SLC4A5: variants seen among roughly 807,000 people sequenced by gnomAD.
SLC4A5 encodes electrogenic sodium bicarbonate cotransporter 4.
In SLC4A5, 96 loss-of-function variants were observed where a neutral mutation model predicts 120.4. That is an observed-to-expected ratio of 0.80 (90% confidence interval 0.68 to 0.94). The LOEUF is 0.94. Ranked by LOEUF, SLC4A5 falls within the 40% of genes least tolerant of loss-of-function variation. The pLI, the probability that SLC4A5 is intolerant of heterozygous loss-of-function variation, is 0.00. For missense variants in SLC4A5, 1,259 were observed against 1,459.5 expected, an observed-to-expected ratio of 0.86 and a Z score of 2.24; for synonymous variants, 550 against 571.1, an observed-to-expected ratio of 0.96 and a Z score of 0.53.
At chr2:74,320,706 C>T (rs766854800) in intron 5 of SLC4A5, among the ~76,000 whole-genome samples, 9 of 152,004 alleles carry the variant, frequency 5.9e-5, no homozygotes, top group Non-Finnish European at 7.4e-5. Context: ...GTCTGGGAAA[C>T]GGGATTCACC....
chr2:74,242,842 T>G (rs1670490842), intron 19 of SLC4A5, among the ~76,000 whole-genome samples: 4 of 152,130 alleles, frequency 2.6e-5, no homozygotes, highest in Admixed American at 2.6e-4. Context: ...TTAGTAGAGA[T>G]AAGGTTTCAC....
At chr2:74,253,204 T>C (rs1024930588) in intron 14 of SLC4A5, 76 bp from the exon 15 acceptor site, 30 of 1,556,860 alleles carry the variant, frequency 1.9e-5, no homozygotes, top group Admixed American at 9.6e-5. Flanking sequence ...CACATCTAGT[T>C]TTTAAAGGAA....
chr2:74,234,712 T>C (rs1670215336), intron 22 of SLC4A5, among the ~76,000 whole-genome samples: 1 of 152,214 alleles, frequency 6.6e-6, no homozygotes, highest in African/African-American at 2.4e-5. Context: ...GCCATGATAT[T>C]GGTCTGAGGA....
intron 21 of SLC4A5, among the ~76,000 whole-genome samples, chr2:74,237,399 G>A (rs1234261196): frequency 1.3e-5 from 2 of 152,202 alleles, no homozygotes; most frequent in African/African-American, 4.8e-5. Flanking sequence ...GTGACTGCTT[G>A]AGAATTTTTA....
intron 4 of SLC4A5, among the ~76,000 whole-genome samples, chr2:74,329,420 T>A (rs1307756651): frequency 6.6e-6 from 1 of 152,086 alleles, no homozygotes; most frequent in Non-Finnish European, 1.5e-5. Flanking sequence ...AGAAACCCCA[T>A]CTCCACTAAA....
intron 7 of SLC4A5, among the ~76,000 whole-genome samples, chr2:74,301,375 T>TCA (rs1467113289): frequency 3.9e-5 from 6 of 152,210 alleles, no homozygotes; most frequent in Non-Finnish European, 8.8e-5. Flanking sequence ...ATAGTGTGCC[T>TCA]GACCCTCAGG....
intron 27 of SLC4A5, among the ~76,000 whole-genome samples, chr2:74,225,881 C>T (rs1211797559): frequency 3.9e-5 from 6 of 152,188 alleles, no homozygotes; most frequent in Non-Finnish European, 5.9e-5. Context: ...GGTCACTCTG[C>T]TCATGCTCTC....
intron 24 of SLC4A5, among the ~76,000 whole-genome samples, chr2:74,231,736 C>T (rs191725558): frequency 5.9e-5 from 9 of 152,172 alleles, no homozygotes; most frequent in African/African-American, 2.2e-4. Flanking sequence ...TTTAAGATTT[C>T]GTTTTTGTGG....
chr2:74,248,620 A>C, intron 17 of SLC4A5, 134 bp from the exon 18 acceptor site: 1 of 1,035,434 alleles, frequency 9.7e-7, no homozygotes. Flanking sequence ...TTCCTCCCTA[A>C]ATCCTGTTCT....
intron 5 of SLC4A5, among the ~76,000 whole-genome samples, chr2:74,322,010 C>T (rs1406070698): frequency 6.6e-6 from 1 of 152,040 alleles, no homozygotes; most frequent in Non-Finnish European, 1.5e-5. Context: ...CTTTACCCTC[C>T]TGCTTTCTTG....
chr2:74,258,012 C>A (rs1470817013), intron 12 of SLC4A5, among the ~76,000 whole-genome samples: 1 of 152,246 alleles, frequency 6.6e-6, no homozygotes, highest in Admixed American at 6.5e-5. Flanking sequence ...AGTGTTCCAA[C>A]CAACCCTGGC....
At chr2:74,223,302 G>A (rs1335309037) in intron 28 of SLC4A5, among the ~76,000 whole-genome samples, 1 of 152,148 alleles carries the variant, frequency 6.6e-6, no homozygotes, top group East Asian at 1.9e-4. Flanking sequence ...ACCGCGCGTG[G>A]CCAACAACTT....
At chr2:74,265,193 G>A (rs1360822593) in exon 9 of SLC4A5, 1 of 1,614,236 alleles carries the variant, frequency 6.2e-7, no homozygotes, top group African/African-American at 1.3e-5. Context: ...GCTGTGCAGG[G>A]ATAGTGTGGA....
At chr2:74,248,797 CA>C (rs1184310325) in intron 17 of SLC4A5, among the ~76,000 whole-genome samples, 1 of 152,186 alleles carries the variant, frequency 6.6e-6, no homozygotes, top group African/African-American at 2.4e-5. Context: ...CCCATTTATC[CA>C]TCTGATTATT....
intron 8 of SLC4A5, among the ~76,000 whole-genome samples, chr2:74,273,449 TTTGTAAAGTATATATCCCTGTGGTCACTC>T (rs900021851): frequency 4.6e-5 from 7 of 152,198 alleles, no homozygotes; most frequent in African/African-American, 1.7e-4. Context: ...TCAGCTAAAA[TTTGTAAAGTATATATCCCTGTGGTCACTC>T]TATCTATGTG....
intron 23 of SLC4A5, 95 bp from the exon 24 acceptor site, chr2:74,232,742 C>A (rs571295381): frequency 6.8e-7 from 1 of 1,474,756 alleles, no homozygotes; most frequent in East Asian, 2.4e-5. Context: ...GGACCCCCTG[C>A]CTTCCAGAAG....
chr2:74,330,183 G>T (rs1304085629), intron 4 of SLC4A5, among the ~76,000 whole-genome samples: 1 of 151,574 alleles, frequency 6.6e-6, no homozygotes, highest in Non-Finnish European at 1.5e-5. Flanking sequence ...TCTAGATGGA[G>T]GTGTGTGATA....
chr2:74,240,357 T>C (rs1437528821), intron 20 of SLC4A5, among the ~76,000 whole-genome samples: 2 of 152,204 alleles, frequency 1.3e-5, no homozygotes, highest in Non-Finnish European at 2.9e-5. Context: ...ATTTGGCCTA[T>C]ATTTAATGCA....
intron 20 of SLC4A5, 101 bp from the exon 21 acceptor site, chr2:74,239,636 C>A: frequency 8.7e-7 from 1 of 1,143,128 alleles, no homozygotes. Flanking sequence ...ACCTTCCCAC[C>A]CTCTGAGGGA....
Sources: allele counts gnomAD v4.1 joint callset (sites outside exome capture counted in the v4.1 genomes callset), GRCh38; gene constraint gnomAD v4.1.1; transcripts MANE v1.5; gene names NCBI Gene and HGNC (gene_info 2026-07-23, HGNC 2026-07-21).